ZBTB20: variants seen among roughly 807,000 people sequenced by gnomAD.
ZBTB20 encodes zinc finger and BTB domain-containing protein 20.
In ZBTB20, 9 loss-of-function variants were observed where a neutral mutation model predicts 56.9. That is an observed-to-expected ratio of 0.16 (90% CI 0.10 to 0.28). The LOEUF (loss-of-function observed/expected upper bound fraction) is 0.28, where lower values mean the gene tolerates loss of function less well. Among genes scored for constraint, ZBTB20 ranks in the 10% least tolerant of loss-of-function variants. ZBTB20 has a pLI of 1.00. For missense variants in ZBTB20, 655 were observed against 1,003.0 expected (o/e 0.65, Z 4.69); for synonymous variants, 417 against 420.7 (o/e 0.99, Z 0.11).
Position 114,665,560 on chromosome 3 carries a change from A to G in ZBTB20, c.-295+27968T>C, listed in dbSNP as rs572015969. Among the ~76,000 whole-genome samples the G allele has an allele frequency of 3.3e-5, 5 of 152,150 alleles. No individual in the cohort carries two copies. In the South Asian group the frequency reaches 1.0e-3, roughly 32 times the overall value. On this transcript the variant is annotated intron_variant, in intron 6 of 11. Coordinates refer to ENST00000675478, the MANE Select transcript of ZBTB20 (RefSeq NM_001348800.3). ...TTCAAAATTTTGGCACTCATTAAGT[A>G]AAGTAATGAAAATAAGGTTTATAAT... is the stretch of plus-strand genomic sequence containing the variant.
chr3:114,597,556 T>G (rs1173171836), intron 6 of ZBTB20, among the ~76,000 whole-genome samples: 2 of 152,174 alleles, frequency 1.3e-5, no homozygotes, highest in Non-Finnish European at 2.9e-5. Context: ...ATACTAGAGT[T>G]GTACAATCTC....
At chr3:114,974,800 T>C (rs2078030819) in intron 2 of ZBTB20, among the ~76,000 whole-genome samples, 2 of 152,172 alleles carry the variant, frequency 1.3e-5, no homozygotes, top group South Asian at 4.1e-4. Flanking sequence ...AGTTCTATGA[T>C]GTATAATGTA....
At chr3:114,820,870 G>A (rs1308335121) in intron 4 of ZBTB20, among the ~76,000 whole-genome samples, 2 of 151,924 alleles carry the variant, frequency 1.3e-5, no homozygotes, top group Non-Finnish European at 2.9e-5. Flanking sequence ...GGCCTTTCCC[G>A]TTGTTGACTT....
intron 6 of ZBTB20, among the ~76,000 whole-genome samples, chr3:114,601,283 C>T (rs2056742110): frequency 6.6e-6 from 1 of 152,050 alleles, no homozygotes; most frequent in Non-Finnish European, 1.5e-5. Context: ...AAGAGACCTT[C>T]TTCCAGATTA....
chr3:114,880,466 T>C (rs2076358184), intron 4 of ZBTB20, among the ~76,000 whole-genome samples: 1 of 152,204 alleles, frequency 6.6e-6, no homozygotes. Flanking sequence ...AACAAATAGA[T>C]ACTTTCAGAG....
intron 3 of ZBTB20, among the ~76,000 whole-genome samples, chr3:114,907,116 TAA>T (rs2075348890): frequency 6.6e-6 from 1 of 151,780 alleles, no homozygotes; most frequent in Admixed American, 6.6e-5. Flanking sequence ...TTATTTACTA[TAA>T]TAAAGTAACA....
At chr3:114,689,440 C>A (rs1205751483) in intron 6 of ZBTB20, among the ~76,000 whole-genome samples, 1 of 151,976 alleles carries the variant, frequency 6.6e-6, no homozygotes, top group African/African-American at 2.4e-5. Flanking sequence ...CTGAGCTTAA[C>A]TGGGGGAAAG....
chr3:114,831,782 C>T (rs1249337144), intron 4 of ZBTB20, among the ~76,000 whole-genome samples: 1 of 151,954 alleles, frequency 6.6e-6, no homozygotes, highest in Non-Finnish European at 1.5e-5. Context: ...CTAGTCCCAA[C>T]TCTTTCAAAC....
intron 5 of ZBTB20, among the ~76,000 whole-genome samples, chr3:114,791,491 A>G (rs569008884): frequency 6.6e-6 from 1 of 152,266 alleles, no homozygotes; most frequent in South Asian, 2.1e-4. Flanking sequence ...CTACAAGAAG[A>G]TGAGCAGATG....
chr3:114,405,371 T>C (rs2087214663), intron 7 of ZBTB20, among the ~76,000 whole-genome samples: 1 of 152,136 alleles, frequency 6.6e-6, no homozygotes, highest in African/African-American at 2.4e-5. Context: ...GGAATGTGTA[T>C]ACAATTTGAG....
At chr3:114,626,063 T>C (rs1378100917) in intron 6 of ZBTB20, among the ~76,000 whole-genome samples, 1 of 152,108 alleles carries the variant, frequency 6.6e-6, no homozygotes, top group Non-Finnish European at 1.5e-5. Context: ...TAAAACAGCA[T>C]GGAAAACAGA....
At chr3:114,346,404 C>A (rs1461941069) in intron 11 of ZBTB20, among the ~76,000 whole-genome samples, 1 of 152,114 alleles carries the variant, frequency 6.6e-6, no homozygotes, top group Non-Finnish European at 1.5e-5. Flanking sequence ...CATACGTTTA[C>A]ATCAAAAGGC....
intron 4 of ZBTB20, among the ~76,000 whole-genome samples, chr3:114,887,140 T>C (rs2107612887): frequency 6.6e-6 from 1 of 152,216 alleles, no homozygotes; most frequent in South Asian, 2.1e-4. Flanking sequence ...AACCCAGTAA[T>C]TCATTAACCC....
intron 6 of ZBTB20, among the ~76,000 whole-genome samples, chr3:114,537,501 G>C (rs889007795): frequency 2.6e-5 from 4 of 152,220 alleles, no homozygotes; most frequent in Admixed American, 1.3e-4. Context: ...TGCTGGAGAG[G>C]ATGTGGAGAA....
At chr3:115,110,135 C>T (rs567804930) in intron 1 of ZBTB20, among the ~76,000 whole-genome samples, 1 of 152,120 alleles carries the variant, frequency 6.6e-6, no homozygotes, top group East Asian at 1.9e-4. Flanking sequence ...TCACTTGAAC[C>T]CGGGAGGCGG....
intron 6 of ZBTB20, among the ~76,000 whole-genome samples, chr3:114,560,121 T>C (rs2051818666): frequency 6.6e-6 from 1 of 152,212 alleles, no homozygotes; most frequent in Non-Finnish European, 1.5e-5. Flanking sequence ...AATAATCTTC[T>C]AATACAGTGA....
chr3:114,821,513 G>C (rs1384291766), intron 4 of ZBTB20, among the ~76,000 whole-genome samples: 3 of 152,222 alleles, frequency 2.0e-5, no homozygotes, highest in African/African-American at 7.2e-5. Flanking sequence ...CTTTGGCCTA[G>C]TCTTCCATGC....
chr3:114,730,601 C>G (rs568016960), intron 5 of ZBTB20, among the ~76,000 whole-genome samples: 54 of 152,328 alleles, frequency 3.5e-4, no homozygotes, highest in African/African-American at 1.3e-3. Context: ...CAGAGGTTCT[C>G]TTGAGCTCAC....
chr3:114,792,447 G>A (rs1425908831), intron 5 of ZBTB20, among the ~76,000 whole-genome samples: 1 of 152,130 alleles, frequency 6.6e-6, no homozygotes, highest in African/African-American at 2.4e-5. Context: ...GATAATCTCA[G>A]AAGTCAAAGC....
Sources: allele counts gnomAD v4.1 joint callset (sites outside exome capture counted in the v4.1 genomes callset), GRCh38; gene constraint gnomAD v4.1.1; transcripts MANE v1.5; gene names NCBI Gene and HGNC (gene_info 2026-07-23, HGNC 2026-07-21).